Variants in TANGO6 observed in about 807,000 individuals in gnomAD.
TANGO6 encodes transport and Golgi organization protein 6 homolog.
In TANGO6, 90 loss-of-function variants were observed where a neutral mutation model predicts 114.2. That is an observed-to-expected ratio of 0.79 (90% CI 0.66 to 0.94). TANGO6 has a LOEUF of 0.94. Ranked by LOEUF, TANGO6 falls within the 40% of genes least tolerant of loss-of-function variation. The pLI is 0.00. For missense variants in TANGO6, 1,274 were observed against 1,315.3 expected, an observed-to-expected ratio of 0.97 and a Z score of 0.49; for synonymous variants, 477 against 509.8, an observed-to-expected ratio of 0.94 and a Z score of 0.87.
intron 11 of TANGO6, among the ~76,000 whole-genome samples, chr16:68,912,144 A>G (rs1266270699): frequency 6.6e-6 from 1 of 152,226 alleles, no homozygotes; most frequent in Non-Finnish European, 1.5e-5. Context: ...CAAATGGTAT[A>G]CGAAGGAAAA....
At chr16:69,052,783 T>C (rs894350122) in intron 17 of TANGO6, among the ~76,000 whole-genome samples, 4 of 152,070 alleles carry the variant, frequency 2.6e-5, no homozygotes, top group Admixed American at 6.6e-5. Context: ...TGACCTCTCT[T>C]CTCCTCAACT....
Position 69,040,373 on chromosome 16 carries a change from A to T in TANGO6, c.3060A>T (p.Ile1020=), listed in dbSNP as rs748120011. 6.2e-7 allele frequency: 1 copy of T among 1,609,522 alleles called. No individual in the cohort carries two copies. The highest frequency in any genetic ancestry group is 8.5e-7 in the Non-Finnish European group (1 of 1,178,198). The change falls in exon 17 of 18, where the codon ATA becomes ATT. Residue 1020 remains isoleucine, a synonymous_variant. Transcript: ENST00000261778. Reference sequence around the variant, plus strand: ...AAGTTCAAGTACGCAGAGCTGCCATACATGTGGTTGTGCTGCTGCTTCGGG... The same window carrying T: ...AAGTTCAAGTACGCAGAGCTGCCATTCATGTGGTTGTGCTGCTGCTTCGGG... ...DGEVQVRRAA[I]HVVVLLLRGL...
At chr16:68,941,082 G>A (rs1449734666) in intron 14 of TANGO6, among the ~76,000 whole-genome samples, 1 of 152,112 alleles carries the variant, frequency 6.6e-6, no homozygotes, top group Non-Finnish European at 1.5e-5. Context: ...CAAAGCCTTG[G>A]TAATATAACT....
chr16:68,920,799 G>T (rs1036870141), intron 12 of TANGO6, among the ~76,000 whole-genome samples: 1 of 151,546 alleles, frequency 6.6e-6, no homozygotes, highest in Non-Finnish European at 1.5e-5. Context: ...TTTCCATATT[G>T]TTTTAAAAAA....
At chr16:68,889,927 G>A (rs1962588518) in intron 7 of TANGO6, among the ~76,000 whole-genome samples, 1 of 152,212 alleles carries the variant, frequency 6.6e-6, no homozygotes, top group Non-Finnish European at 1.5e-5. Flanking sequence ...TATGCAATAT[G>A]TTCTGAAAGC....
rs142551306 is a variant in TANGO6, at chr16:68,921,074, G to A, written c.2127+1855G>A. Among the ~76,000 whole-genome samples the A allele has an allele frequency of 6.5e-3, 923 of 140,962 alleles. 12 individuals are homozygous for A. Among genetic ancestry groups the A allele is most frequent in the African/African-American group, 0.023 (871 of 37,394 alleles). The allele number at this position is 140,962 out of a possible 152,430, so 92.5% of individuals were successfully genotyped here. A position where few individuals can be genotyped will look rare whatever the true frequency, so the allele number is the denominator to read the frequency against. On this transcript the variant is annotated intron_variant, in intron 12 of 17. Transcript: ENST00000261778. ...GCGGAGGTTGCAGTGAGCCGAGATC[G>A]CGCCACTGCACTCCAGCCTGGGCAA...
intron 17 of TANGO6, 67 bp from the exon 18 acceptor site, chr16:69,083,418 G>T: frequency 6.6e-7 from 1 of 1,509,808 alleles, no homozygotes; most frequent in Non-Finnish European, 8.9e-7. Context: ...GGAGGAGAGG[G>T]CAGTTCAGTC....
At chr16:68,991,301 G>C (rs1166861940) in intron 15 of TANGO6, among the ~76,000 whole-genome samples, 1 of 152,110 alleles carries the variant, frequency 6.6e-6, no homozygotes, top group Admixed American at 6.6e-5. Flanking sequence ...TGGTTGGCAG[G>C]GACATGAAGG....
chr16:69,063,643 CA>C (rs770332921), intron 17 of TANGO6, among the ~76,000 whole-genome samples: 4,325 of 35,726 alleles, frequency 0.12, 305 homozygotes, highest in African/African-American at 0.35. Flanking sequence ...ACTCCATCTC[CA>C]AAAAAAAAAA....
chr16:69,019,431 C>A (rs192518356), intron 15 of TANGO6, among the ~76,000 whole-genome samples: 39 of 152,268 alleles, frequency 2.6e-4, no homozygotes, highest in African/African-American at 9.4e-4. Context: ...GAATTGGGAG[C>A]ATTTTGGAGA....
Position 68,919,168 on chromosome 16 carries a change from G to A in TANGO6, c.2076G>A (p.Thr692=), listed in dbSNP as rs375595567. The A allele has an allele frequency of 2.5e-5, 41 of 1,612,578 alleles. No homozygotes were observed. In the Admixed American group the frequency reaches 2.7e-4, roughly 11 times the overall value. Residue 692 remains threonine (T), a synonymous_variant, in exon 12 of 18, where the codon ACG becomes ACA. Coordinates refer to ENST00000261778, the MANE Select transcript of TANGO6 (RefSeq NM_024562.2). ...CAGAGAGCACCGTGGAATCACAGAC[G>A]CTGAGCATGTCCATGGGGCTGGTGG... The part of the protein sequence containing the change: ...HQAESTVESQ[T]LSMSMGLVAV...
chr16:68,871,585 T>C (rs999910730), intron 4 of TANGO6, among the ~76,000 whole-genome samples: 1 of 152,188 alleles, frequency 6.6e-6, no homozygotes, highest in African/African-American at 2.4e-5. Context: ...GTGTGTCTTC[T>C]TTTCTCTATG....
chr16:68,878,755 A>AT (rs964465011), intron 6 of TANGO6, among the ~76,000 whole-genome samples: 22 of 149,824 alleles, frequency 1.5e-4, no homozygotes, highest in East Asian at 1.2e-3. Context: ...TTTTAGAGCT[A>AT]TTTTTTTTTT....
At chr16:68,982,629 C>CATTTTTTTTTTTTTTTTTTT (rs1567553024) in intron 15 of TANGO6, among the ~76,000 whole-genome samples, 7 of 120,536 alleles carry the variant, frequency 5.8e-5, no homozygotes, top group African/African-American at 2.4e-4. Flanking sequence ...CATGCCCTGG[C>CATTTTTTTTTTTTTTTTTTT]CTTTTTTTTT....
At chr16:68,966,974 G>A (rs550635863) in intron 14 of TANGO6, among the ~76,000 whole-genome samples, 3 of 152,124 alleles carry the variant, frequency 2.0e-5, no homozygotes, top group South Asian at 2.1e-4. Context: ...GTTTTGCCAC[G>A]TTGGCCAGGC....
intron 14 of TANGO6, among the ~76,000 whole-genome samples, chr16:68,965,162 G>GTTTT (rs953258092): frequency 6.6e-6 from 1 of 151,250 alleles, no homozygotes; most frequent in African/African-American, 2.4e-5. Flanking sequence ...TTTTTTGTTT[G>GTTTT]TTTTTTTTAT....
At chr16:69,052,926 C>T (rs1251453611) in intron 17 of TANGO6, among the ~76,000 whole-genome samples, 3 of 151,962 alleles carry the variant, frequency 2.0e-5, no homozygotes, top group South Asian at 2.1e-4. Flanking sequence ...CTGGCCAACA[C>T]GGAGAAACCT....
chr16:68,868,565 T>A (rs1596996399), intron 4 of TANGO6, among the ~76,000 whole-genome samples: 1 of 150,640 alleles, frequency 6.6e-6, no homozygotes, highest in Non-Finnish European at 1.5e-5. Flanking sequence ...TGGCGTGATC[T>A]TGGCTCATTG....
At chr16:69,004,494 T>C (rs1964074293) in intron 15 of TANGO6, among the ~76,000 whole-genome samples, 1 of 152,244 alleles carries the variant, frequency 6.6e-6, no homozygotes, top group East Asian at 1.9e-4. Context: ...TAGCTAGGAT[T>C]ATAGACGCTT....
Sources: allele counts gnomAD v4.1 joint callset (sites outside exome capture counted in the v4.1 genomes callset), GRCh38; gene constraint gnomAD v4.1.1; transcripts MANE v1.5; gene names NCBI Gene and HGNC (gene_info 2026-07-23, HGNC 2026-07-21).